Variants in DLG2 observed in about 807,000 individuals in gnomAD.
The protein encoded by DLG2 is discs large MAGUK scaffold protein 2, also known as disks large homolog 2.
Under a neutral mutation model 132.5 loss-of-function variants are expected in DLG2, and 45 were observed. The ratio of observed to expected loss-of-function variants is 0.34; its 90% confidence interval spans 0.27 to 0.44. The LOEUF is 0.44. Among genes scored for constraint, DLG2 ranks in the 20% least tolerant of loss-of-function variants. The pLI, the probability that DLG2 is intolerant of heterozygous loss-of-function variation, is 1.00. For missense variants in DLG2, 1,045 were observed against 1,196.9 expected (o/e 0.87, Z 1.87); for synonymous variants, 424 against 419.6 (o/e 1.01, Z -0.13).
intron 18 of DLG2, among the ~76,000 whole-genome samples, chr11:83,707,917 G>A (rs925067935): frequency 6.6e-6 from 1 of 152,108 alleles, no homozygotes; most frequent in Non-Finnish European, 1.5e-5. Context: ...TGTCATATGG[G>A]CCTGAGTTAG....
At chr11:84,744,347 GC>G (rs1372296473) in intron 6 of DLG2, among the ~76,000 whole-genome samples, 4 of 152,138 alleles carry the variant, frequency 2.6e-5, no homozygotes, top group African/African-American at 9.7e-5. Context: ...TGCAGGTGGG[GC>G]TATAAAATAT....
intron 15 of DLG2, among the ~76,000 whole-genome samples, chr11:83,925,380 A>G (rs78432035): frequency 0.085 from 12,924 of 152,126 alleles, 711 homozygotes; most frequent in Non-Finnish European, 0.12. Context: ...TCTTTGCTCA[A>G]ATAAACTCTG....
chr11:85,142,193 A>G (rs939241465), intron 5 of DLG2, among the ~76,000 whole-genome samples: 1 of 151,800 alleles, frequency 6.6e-6, no homozygotes, highest in African/African-American at 2.4e-5. Flanking sequence ...CTATTAACAC[A>G]AAATATCTTT....
chr11:84,977,949 T>A (rs2509056), intron 6 of DLG2, among the ~76,000 whole-genome samples: 4 of 151,990 alleles, frequency 2.6e-5, no homozygotes, highest in Non-Finnish European at 5.9e-5. Flanking sequence ...AATTATGAAG[T>A]AACTGTTCAT....
intron 6 of DLG2, among the ~76,000 whole-genome samples, chr11:84,606,978 G>C (rs1855790801): frequency 6.6e-6 from 1 of 152,066 alleles, no homozygotes; most frequent in African/African-American, 2.4e-5. Context: ...CATTTTATAT[G>C]TTTCTAAATC....
At chr11:84,956,508 G>T (rs2051686920) in intron 6 of DLG2, among the ~76,000 whole-genome samples, 1 of 152,160 alleles carries the variant, frequency 6.6e-6, no homozygotes, top group Non-Finnish European at 1.5e-5. Context: ...AACACAGTAG[G>T]TCTTGGCCAA....
At chr11:84,002,653 AT>A (rs1216921862) in intron 11 of DLG2, among the ~76,000 whole-genome samples, 17 of 152,036 alleles carry the variant, frequency 1.1e-4, no homozygotes, top group Non-Finnish European at 5.9e-5. Flanking sequence ...AAGTCCAGAG[AT>A]TTCATAAAGC....
intron 6 of DLG2, among the ~76,000 whole-genome samples, chr11:84,813,472 TGTTTTTCTACTCTAA>T (rs1421761578): frequency 6.6e-6 from 1 of 152,106 alleles, no homozygotes; most frequent in East Asian, 1.9e-4. Context: ...TTGAAAGTCA[TGTTTTTCTACTCTAA>T]GACCCAAACT....
chr11:83,866,252 A>G (rs1316538344), intron 16 of DLG2, among the ~76,000 whole-genome samples: 1 of 152,188 alleles, frequency 6.6e-6, no homozygotes, highest in Non-Finnish European at 1.5e-5. Context: ...ATCAAGTTAA[A>G]AAAGGACAGT....
At chr11:84,315,575 G>C (rs1264759056) in intron 7 of DLG2, among the ~76,000 whole-genome samples, 1 of 152,046 alleles carries the variant, frequency 6.6e-6, no homozygotes, top group Non-Finnish European at 1.5e-5. Flanking sequence ...TATTCAGTTT[G>C]GAATTCATGT....
intron 21 of DLG2, among the ~76,000 whole-genome samples, chr11:83,515,612 T>A (rs1163675583): frequency 1.3e-5 from 2 of 152,370 alleles, no homozygotes; most frequent in South Asian, 2.1e-4. Context: ...TTAATTGTGA[T>A]GTTAGGGTGT....
intron 4 of DLG2, among the ~76,000 whole-genome samples, chr11:85,243,491 A>G (rs1483900871): frequency 1.3e-5 from 2 of 151,966 alleles, no homozygotes; most frequent in East Asian, 3.9e-4. Flanking sequence ...TATGACTACA[A>G]GTTACCATTA....
chr11:84,070,721 G>A (rs1198210536), intron 10 of DLG2, among the ~76,000 whole-genome samples: 1 of 152,194 alleles, frequency 6.6e-6, no homozygotes, highest in Non-Finnish European at 1.5e-5. Context: ...AGCTAGATAT[G>A]AATTCTAATC....
At chr11:83,594,996 GCTTTT>G (rs376851919) in intron 19 of DLG2, among the ~76,000 whole-genome samples, 2 of 152,272 alleles carry the variant, frequency 1.3e-5, no homozygotes, top group East Asian at 3.9e-4. Context: ...GAGTTTCTCA[GCTTTT>G]CACATTATAC....
intron 18 of DLG2, among the ~76,000 whole-genome samples, chr11:83,715,509 C>T (rs2086486570): frequency 6.6e-6 from 1 of 152,176 alleles, no homozygotes; most frequent in East Asian, 1.9e-4. Context: ...CTGACATTTC[C>T]ACCTTTGAGG....
intron 18 of DLG2, among the ~76,000 whole-genome samples, chr11:83,715,233 A>T (rs2086428981): frequency 6.6e-6 from 1 of 152,220 alleles, no homozygotes; most frequent in Non-Finnish European, 1.5e-5. Flanking sequence ...ACCAGGCACC[A>T]AACATTCCAC....
intron 18 of DLG2, among the ~76,000 whole-genome samples, chr11:83,775,457 G>A (rs1369003523): frequency 1.3e-5 from 2 of 152,158 alleles, no homozygotes; most frequent in African/African-American, 2.4e-5. Context: ...TTCCTCATCT[G>A]TAAAATGAGT....
intron 8 of DLG2, among the ~76,000 whole-genome samples, chr11:84,216,053 A>C (rs1268548288): frequency 2.6e-5 from 4 of 152,218 alleles, no homozygotes. Flanking sequence ...TTGATATGAC[A>C]TAATGGGATT....
chr11:85,488,528 T>C (rs570859666), intron 3 of DLG2, among the ~76,000 whole-genome samples: 29 of 152,340 alleles, frequency 1.9e-4, no homozygotes, highest in South Asian at 1.9e-3. Context: ...GTCTCAGGCA[T>C]GTCTTCATCA....
Sources: gnomAD v4.1 joint callset for allele counts (sites outside exome capture counted in the v4.1 genomes callset) on GRCh38, gnomAD v4.1.1 for gene constraint, MANE v1.5 for transcripts, NCBI Gene and HGNC (gene_info 2026-07-23, HGNC 2026-07-21) for gene names.